INTS14: variants seen among roughly 807,000 people sequenced by gnomAD.
INTS14 encodes integrator complex subunit 14, also known as UPF0464 protein C15orf44.
Under a neutral mutation model 56.9 loss-of-function variants are expected in INTS14, and 27 were observed. The observed-to-expected ratio is 0.47, with a 90% CI of 0.35 to 0.65. The LOEUF (loss-of-function observed/expected upper bound fraction) is 0.65, where lower values mean the gene tolerates loss of function less well. Ranked by LOEUF, INTS14 falls within the 30% of genes least tolerant of loss-of-function variation. The pLI, the probability that INTS14 is intolerant of heterozygous loss-of-function variation, is 0.00. For missense variants in INTS14, 517 were observed against 632.2 expected (o/e 0.82, Z 1.95); for synonymous variants, 207 against 236.2 (o/e 0.88, Z 1.13).
At chr15:65,589,362 T>G (rs1165067473) in intron 9 of INTS14, among the ~76,000 whole-genome samples, 1 of 152,212 alleles carries the variant, frequency 6.6e-6, no homozygotes, top group Admixed American at 6.5e-5. Flanking sequence ...TTCGCTATGT[T>G]GGCCAGGCTG....
intron 6 of INTS14, among the ~76,000 whole-genome samples, chr15:65,596,918 C>T (rs2073234899): frequency 6.6e-6 from 1 of 152,148 alleles, no homozygotes; most frequent in Non-Finnish European, 1.5e-5. Flanking sequence ...GTCCATACCT[C>T]CCTTAGCTGA....
intron 2 of INTS14, among the ~76,000 whole-genome samples, chr15:65,606,611 AAATATTATG>A: frequency 6.6e-6 from 1 of 152,286 alleles, no homozygotes; most frequent in Non-Finnish European, 1.5e-5. Context: ...GCACTGCTGG[AAATATTATG>A]AATATTATGA....
At chr15:65,595,083 A>T (rs777284592) in intron 7 of INTS14, among the ~76,000 whole-genome samples, 1 of 152,238 alleles carries the variant, frequency 6.6e-6, no homozygotes, top group Non-Finnish European at 1.5e-5. Context: ...TTAAGGGTAG[A>T]ACTAGGATTT....
At chr15:65,581,151 G>A (rs866361790) in intron 11 of INTS14, among the ~76,000 whole-genome samples, 2 of 152,178 alleles carry the variant, frequency 1.3e-5, no homozygotes, top group Admixed American at 1.3e-4. Context: ...AGGCCGAGGC[G>A]AGCGGATTAC....
intron 3 of INTS14, among the ~76,000 whole-genome samples, chr15:65,604,819 C>T (rs1219580459): frequency 1.3e-5 from 2 of 151,484 alleles, no homozygotes; most frequent in African/African-American, 4.9e-5. Flanking sequence ...AATTTTATCA[C>T]TCAAAATTAT....
chr15:65,585,851 T>A (rs2072799491), intron 9 of INTS14, among the ~76,000 whole-genome samples: 1 of 152,210 alleles, frequency 6.6e-6, no homozygotes, highest in Non-Finnish European at 1.5e-5. Flanking sequence ...TGAAACACCT[T>A]GATATTGGAC....
intron 3 of INTS14, among the ~76,000 whole-genome samples, chr15:65,604,301 C>G (rs2141319881): frequency 6.6e-6 from 1 of 152,250 alleles, no homozygotes; most frequent in African/African-American, 2.4e-5. Context: ...CCAGGATGGT[C>G]TCGATCTCTT....
At chr15:65,603,705 A>G (rs1225690031) in intron 3 of INTS14, among the ~76,000 whole-genome samples, 4 of 152,140 alleles carry the variant, frequency 2.6e-5, no homozygotes, top group Non-Finnish European at 5.9e-5. Context: ...GAAAAGTCAC[A>G]CACCAGGGTC....
intron 7 of INTS14, 115 bp downstream of exon 7, chr15:65,595,618 C>A (rs1193776538): frequency 9.1e-6 from 7 of 765,330 alleles, no homozygotes; most frequent in Non-Finnish European, 1.5e-5. Flanking sequence ...AAATCCAATT[C>A]TGTAACTATT....
rs900382350 is a variant in INTS14 at position 65,585,930 on chromosome 15, G to A, written c.1121-1042C>T. On this transcript the variant is annotated intron_variant, in intron 9 of 11. Transcript: ENST00000313182. ...AAAATACTGGCCCAACTCTCCAGAC[G>A]TATTTCCATTAATATTTGTCAATAT... 1.5e-4 allele frequency among the ~76,000 whole-genome samples: 23 copies of A among 152,134 alleles called. 1 individual carries two copies. Among genetic ancestry groups the A allele is most frequent in the Admixed American group, 1.3e-3 (20 of 15,266 alleles).
chr15:65,590,207 T>C (rs1480312011), intron 9 of INTS14, among the ~76,000 whole-genome samples: 1 of 151,610 alleles, frequency 6.6e-6, no homozygotes, highest in Non-Finnish European at 1.5e-5. Context: ...TCCTTGCCTT[T>C]TCAGATCCAC....
chr15:65,595,183 G>C (rs1458202975), intron 7 of INTS14, among the ~76,000 whole-genome samples: 4 of 152,222 alleles, frequency 2.6e-5, no homozygotes, highest in African/African-American at 4.8e-5. Flanking sequence ...TAAAGAGTTA[G>C]AGTCTAGCAT....
intron 7 of INTS14, among the ~76,000 whole-genome samples, chr15:65,594,296 C>T (rs960317007): frequency 5.9e-5 from 9 of 152,190 alleles, no homozygotes; most frequent in Non-Finnish European, 5.9e-5. Context: ...TGTTCAAAGA[C>T]TTTCTAATTC....
chr15:65,599,703 G>C, intron 4 of INTS14, 71 bp downstream of exon 4: 3 of 1,507,586 alleles, frequency 2.0e-6, no homozygotes, highest in Non-Finnish European at 9.1e-7. Context: ...AGCACTAGTG[G>C]TATATACTGA....
At position 65,607,346 on chromosome 15, in the gene INTS14, G is replaced by T. The variant is rs770965039; in HGVS notation, c.35C>A (p.Ser12Tyr). 5 of 1,614,196 alleles carry T rather than the reference G, an allele frequency of 3.1e-6. No individual in the cohort carries two copies. Among genetic ancestry groups the T allele is most frequent in the Non-Finnish European group, 4.2e-6 (5 of 1,180,046 alleles). ...PTVVVMDVSL[S>Y]MTRPVSIEGS... is the part of the protein sequence containing the mutation. The stretch of plus-strand genomic sequence containing the variant: ...CTCAATAGACACAGGTCGGGTCATG[G>T]AAAGGGATACATCCATTACCACCAC... The change falls in exon 2 of 12, where the codon TCC (serine) becomes TAC (tyrosine). Residue 12 changes from serine to tyrosine, a missense_variant. Ser to Tyr is a moderately radical substitution (Grantham distance 144). Coordinates refer to ENST00000313182, the MANE Select transcript of INTS14 (RefSeq NM_001394796.1).
chr15:65,585,655 A>G (rs572049957), intron 9 of INTS14, among the ~76,000 whole-genome samples: 2 of 152,304 alleles, frequency 1.3e-5, no homozygotes, highest in East Asian at 1.9e-4. Flanking sequence ...TAAAGCACAC[A>G]TACTTCTAAT....
chr15:65,587,572 T>C (rs1037737207), intron 9 of INTS14, among the ~76,000 whole-genome samples: 1 of 152,140 alleles, frequency 6.6e-6, no homozygotes, highest in African/African-American at 2.4e-5. Flanking sequence ...ACATTATAAC[T>C]ATATTGGGAG....
At chr15:65,589,320 G>A (rs1356499900) in intron 9 of INTS14, among the ~76,000 whole-genome samples, 4 of 152,122 alleles carry the variant, frequency 2.6e-5, no homozygotes, top group Admixed American at 2.0e-4. Flanking sequence ...ACCATGCCCA[G>A]CAAATTTTTG....
At chr15:65,604,049 G>A (rs765336131) in intron 3 of INTS14, among the ~76,000 whole-genome samples, 1 of 152,130 alleles carries the variant, frequency 6.6e-6, no homozygotes, top group South Asian at 2.1e-4. Context: ...TACTAATGTG[G>A]CCTACTGTGG....
Sources: allele counts gnomAD v4.1 joint callset (sites outside exome capture counted in the v4.1 genomes callset), GRCh38; gene constraint gnomAD v4.1.1; transcripts MANE v1.5; gene names NCBI Gene and HGNC (gene_info 2026-07-23, HGNC 2026-07-21).